SLC14A2: variants seen among roughly 807,000 people sequenced by gnomAD.
The protein encoded by SLC14A2 is urea transporter 2.
In SLC14A2, 91 loss-of-function variants were observed where a neutral mutation model predicts 104.6. The observed-to-expected ratio is 0.87, with a 90% CI of 0.73 to 1.04. The LOEUF (loss-of-function observed/expected upper bound fraction) is 1.04, where lower values mean the gene tolerates loss of function less well. Among genes scored for constraint, SLC14A2 ranks in the 50% least tolerant of loss-of-function variants. SLC14A2 has a pLI of 0.00. For missense variants in SLC14A2, 1,189 were observed against 1,156.0 expected (o/e 1.03, Z -0.41); for synonymous variants, 476 against 466.4 (o/e 1.02, Z -0.27).
chr18:45,359,669 T>C (rs1230058832), intron 1 of SLC14A2, among the ~76,000 whole-genome samples: 1 of 152,204 alleles, frequency 6.6e-6, no homozygotes, highest in Non-Finnish European at 1.5e-5. Context: ...GCAATCACTG[T>C]GTGCAGAGGG....
chr18:45,641,568 G>A (rs1369068252), intron 8 of SLC14A2, among the ~76,000 whole-genome samples: 1 of 152,210 alleles, frequency 6.6e-6, no homozygotes, highest in African/African-American at 2.4e-5. Flanking sequence ...ACACAGTGTT[G>A]TAAAGTTTAT....
At chr18:45,657,554 GAGAA>G (rs1337731844) in intron 10 of SLC14A2, among the ~76,000 whole-genome samples, 19 of 148,596 alleles carry the variant, frequency 1.3e-4, no homozygotes, top group South Asian at 2.1e-4. Context: ...AAAAGAGAGA[GAGAA>G]AGAAAGGAAA....
chr18:45,521,417 C>T, intron 2 of SLC14A2, among the ~76,000 whole-genome samples: 1 of 152,026 alleles, frequency 6.6e-6, no homozygotes, highest in Non-Finnish European at 1.5e-5. Flanking sequence ...GACAGACACT[C>T]AGTAACTGGA....
chr18:45,609,393 C>T (rs1599060989), intron 2 of SLC14A2, among the ~76,000 whole-genome samples: 2 of 152,260 alleles, frequency 1.3e-5, no homozygotes, highest in South Asian at 4.1e-4. Context: ...ACTACCTCCA[C>T]AAAATGTCCC....
At chr18:45,426,914 C>T (rs925007102) in intron 1 of SLC14A2, among the ~76,000 whole-genome samples, 3 of 152,126 alleles carry the variant, frequency 2.0e-5, no homozygotes, top group African/African-American at 7.2e-5. Flanking sequence ...GAAATACATC[C>T]ATCTGCTCTT....
chr18:45,571,876 G>A (rs545584460), intron 2 of SLC14A2, among the ~76,000 whole-genome samples: 2 of 152,288 alleles, frequency 1.3e-5, no homozygotes, highest in African/African-American at 4.8e-5. Flanking sequence ...GATAGGGTTG[G>A]TTGAACATTA....
chr18:45,389,757 A>G (rs1000739232), intron 1 of SLC14A2, among the ~76,000 whole-genome samples: 2 of 152,292 alleles, frequency 1.3e-5, no homozygotes, highest in Middle Eastern at 3.4e-3. Context: ...TCTCTACCCT[A>G]TTTCTCTCCT....
intron 1 of SLC14A2, among the ~76,000 whole-genome samples, chr18:45,283,462 G>A (rs2084783471): frequency 6.9e-6 from 1 of 145,942 alleles, no homozygotes; most frequent in Non-Finnish European, 1.5e-5. Flanking sequence ...AACACGTTGA[G>A]TCTCCTAATT....
At position 45,641,268 on chromosome 18, in the gene SLC14A2, G is replaced by A. The variant is rs553887433; in HGVS notation, c.1051G>A (p.Val351Ile). 55 of 1,614,156 alleles carry A rather than the reference G, an allele frequency of 3.4e-5. No homozygotes were observed. In the Admixed American group the frequency reaches 3.7e-4, roughly 11 times the overall value. ...IYTGLWSYNC[V>I]LSCIAIGGMF... ...CACAGGCCTCTGGAGCTACAACTGCGTCCTCTCCTGCATCGCCATCGGAGG... is the reference window on the plus strand; with the variant it reads ...CACAGGCCTCTGGAGCTACAACTGCATCCTCTCCTGCATCGCCATCGGAGG... Residue 351 changes from valine (V) to isoleucine (I), a missense_variant, in exon 8 of 20, where the codon GTC becomes ATC. Val to Ile is a conservative substitution (Grantham distance 29). Coordinates refer to ENST00000255226, the MANE Select transcript of SLC14A2 (RefSeq NM_007163.4).
At chr18:45,348,969 G>A (rs987196200) in intron 1 of SLC14A2, among the ~76,000 whole-genome samples, 2 of 152,216 alleles carry the variant, frequency 1.3e-5, no homozygotes, top group Admixed American at 1.3e-4. Flanking sequence ...AGAGGTATCA[G>A]CTTGCTTCAG....
chr18:45,240,240 G>A (rs748374892), intron 1 of SLC14A2, among the ~76,000 whole-genome samples: 5 of 151,780 alleles, frequency 3.3e-5, no homozygotes, highest in Middle Eastern at 3.4e-3. Context: ...GGGACTACAG[G>A]CATGTGCCAC....
chr18:45,528,756 G>A (rs2043637051), intron 2 of SLC14A2: 1 of 152,166 alleles, frequency 6.6e-6, no homozygotes, highest in Non-Finnish European at 1.5e-5. Flanking sequence ...TTAAATCTGT[G>A]CTAGATAGCA....
At chr18:45,558,586 T>A (rs1327687872) in intron 2 of SLC14A2, among the ~76,000 whole-genome samples, 1 of 152,144 alleles carries the variant, frequency 6.6e-6, no homozygotes, top group Non-Finnish European at 1.5e-5. Context: ...CTGTAGGAAA[T>A]AATCATGAGT....
chr18:45,511,963 T>C (rs2043371685), intron 2 of SLC14A2, among the ~76,000 whole-genome samples: 1 of 152,112 alleles, frequency 6.6e-6, no homozygotes, highest in Admixed American at 6.5e-5. Flanking sequence ...GACTGTGGCA[T>C]CAAGGCATTG....
At chr18:45,271,408 T>C (rs906911132) in intron 1 of SLC14A2, among the ~76,000 whole-genome samples, 2 of 152,120 alleles carry the variant, frequency 1.3e-5, no homozygotes, top group Non-Finnish European at 2.9e-5. Context: ...TGAATGGAAA[T>C]ACAGACTGAT....
At chr18:45,270,365 A>G (rs79417172) in intron 1 of SLC14A2, among the ~76,000 whole-genome samples, 2,242 of 152,274 alleles carry the variant, frequency 0.015, 24 homozygotes, top group Non-Finnish European at 0.023. Flanking sequence ...GGAAGGCAGG[A>G]AAGAACTAGA....
At chr18:45,664,752 G>A (rs909524586) in intron 11 of SLC14A2, among the ~76,000 whole-genome samples, 4 of 152,206 alleles carry the variant, frequency 2.6e-5, no homozygotes, top group African/African-American at 9.7e-5. Context: ...GACTTTGAGT[G>A]AATATGGGAA....
chr18:45,466,074 G>C (rs1250186660), intron 1 of SLC14A2, among the ~76,000 whole-genome samples: 1 of 152,140 alleles, frequency 6.6e-6, no homozygotes. Flanking sequence ...TATGGGATTT[G>C]TGATGGGAGA....
intron 1 of SLC14A2, among the ~76,000 whole-genome samples, chr18:45,269,472 T>G (rs2084628041): frequency 1.3e-5 from 2 of 151,818 alleles, no homozygotes; most frequent in Non-Finnish European, 2.9e-5. Context: ...CCATATGACG[T>G]CTTACCACAA....
Sources: gnomAD v4.1 joint callset for allele counts (sites outside exome capture counted in the v4.1 genomes callset) on GRCh38, gnomAD v4.1.1 for gene constraint, MANE v1.5 for transcripts, NCBI Gene and HGNC (gene_info 2026-07-23, HGNC 2026-07-21) for gene names.